CCDC34: variants seen among roughly 807,000 people sequenced by gnomAD.
The protein encoded by CCDC34 is coiled-coil domain-containing protein 34.
CCDC34 carries 40 observed loss-of-function variants against 44.1 expected under a neutral mutation model. The observed-to-expected ratio is 0.91, with a 90% confidence interval of 0.70 to 1.18. The LOEUF (loss-of-function observed/expected upper bound fraction) is 1.18, where lower values mean the gene tolerates loss of function less well. Among genes scored for constraint, CCDC34 ranks in the 50% most tolerant of loss-of-function variants. CCDC34 has a pLI of 0.00. For synonymous variants in CCDC34, 159 were observed against 158.2 expected (o/e 1.01, Z -0.04); for missense variants, 466 against 452.3 (o/e 1.03, Z -0.28).
At chr11:27,351,259 A>C (rs1862500568) in intron 2 of CCDC34, among the ~76,000 whole-genome samples, 1 of 151,924 alleles carries the variant, frequency 6.6e-6, no homozygotes, top group Non-Finnish European at 1.5e-5. Context: ...TGGTCTCCAC[A>C]CTCCTCCATA....
chr11:27,345,532 G>T (rs910532794), intron 3 of CCDC34, among the ~76,000 whole-genome samples: 1 of 152,096 alleles, frequency 6.6e-6, no homozygotes, highest in Non-Finnish European at 1.5e-5. Context: ...GAGAACATGC[G>T]ATGTTTGGTT....
chr11:27,350,203 A>G, intron 3 of CCDC34, 129 bp downstream of exon 3: 4 of 1,576,624 alleles, frequency 2.5e-6, no homozygotes, highest in Non-Finnish European at 3.4e-6. Flanking sequence ...CCAGGATAGA[A>G]AAACAAAACA....
chr11:27,357,605 C>T, intron 1 of CCDC34, 64 bp from the exon 2 acceptor site: 1 of 1,487,928 alleles, frequency 6.7e-7, no homozygotes. Flanking sequence ...GTCCAAATCA[C>T]TTAACTGTAC....
At chr11:27,359,737 C>T (rs2133351223) in intron 1 of CCDC34, among the ~76,000 whole-genome samples, 1 of 152,286 alleles carries the variant, frequency 6.6e-6, no homozygotes, top group East Asian at 1.9e-4. Context: ...GGCTGGCTAC[C>T]TTACAGGCAG....
At chr11:27,362,259 T>C (rs1017956915) in intron 1 of CCDC34, among the ~76,000 whole-genome samples, 17 of 152,326 alleles carry the variant, frequency 1.1e-4, no homozygotes, top group African/African-American at 3.6e-4. Context: ...ATAACCCCAT[T>C]GGTCCTAACA....
intron 3 of CCDC34, chr11:27,350,009 T>C (rs1423920517): frequency 2.5e-6 from 3 of 1,194,042 alleles, no homozygotes; most frequent in Non-Finnish European, 3.1e-6. Context: ...GAAGGAGAAA[T>C]GGGCAAAATG....
intron 2 of CCDC34, among the ~76,000 whole-genome samples, chr11:27,354,966 C>A (rs756053994): frequency 6.6e-6 from 1 of 152,124 alleles, no homozygotes; most frequent in Non-Finnish European, 1.5e-5. Context: ...AGTTAATTAA[C>A]TTTTCTAATG....
chr11:27,341,853 G>A (rs1862365098), intron 3 of CCDC34, among the ~76,000 whole-genome samples: 1 of 152,178 alleles, frequency 6.6e-6, no homozygotes, highest in African/African-American at 2.4e-5. Flanking sequence ...TGGTTTGGCT[G>A]TGTCTCCACC....
In CCDC34 at chr11:27,341,529, TTTG is replaced by T. The variant is rs1441464625; in HGVS notation, c.625_627del (p.Gln209del). ...TTTTCCTCCATTTCTTTATTAATTT[TTTG>T]TTCTCTTTCTTTTCTTTTCTTAAAT... On this transcript the variant is annotated inframe_deletion, in exon 4 of 6. Coordinates refer to ENST00000328697, the MANE Select transcript of CCDC34 (RefSeq NM_030771.2). The T allele has an allele frequency of 2.3e-6, 3 of 1,325,652 alleles. No homozygotes were observed. The highest frequency in any genetic ancestry group is 3.0e-6 in the Non-Finnish European group (3 of 988,956). The allele number at this position is 1,325,652 out of a possible 1,614,324, so 82.1% of individuals were successfully genotyped here.
rs762470269 is a variant in CCDC34, at chr11:27,341,448, G to A, written c.709C>T (p.Gln237Ter). ...GCATTTTTTTTCTTTAACCATTCTT[G>A]ATATTTTTCTTTTGCTTTTTCTTGC... ...YLQEKAKEKY[Q>*]EWLKKKNAEE... Residue 237 changes from glutamine to a stop codon, truncating the protein, a stop_gained, in exon 4 of 6, where the codon CAA (glutamine) becomes TAA (stop). Coordinates refer to ENST00000328697, the MANE Select transcript of CCDC34 (RefSeq NM_030771.2). LOFTEE classifies it high-confidence loss of function. 9.6e-6 allele frequency: 14 copies of A among 1,452,266 alleles called. No homozygotes were observed. The African/African-American group carries it at 1.4e-4, about 15-fold the overall frequency. 90.0% of individuals were successfully genotyped at this position (1,452,266 alleles called of 1,614,324 possible). A position where few individuals can be genotyped will look rare whatever the true frequency, so the allele number is the denominator to read the frequency against.
rs1862344657 is a variant in CCDC34, at chr11:27,340,787, T to C, written c.816A>G (p.Ala272=). The part of the protein sequence containing the change: ...QAEIQEKKEI[A]EKKFQEWLEN... ...CCAACCATTCTTGAAACTTTTTTTCTGCTATTTCCTTTTTCTCCTGTATTT... is the reference window on the plus strand; with the variant it reads ...CCAACCATTCTTGAAACTTTTTTTCCGCTATTTCCTTTTTCTCCTGTATTT... The change falls in exon 5 of 6, where the codon GCA becomes GCG. Residue 272 remains alanine, a synonymous_variant. Transcript: ENST00000328697. 6.2e-7 allele frequency: 1 copy of C among 1,613,708 alleles called. No homozygotes were observed. Among genetic ancestry groups the C allele is most frequent in the Non-Finnish European group, 8.5e-7 (1 of 1,179,832 alleles).
chr11:27,345,856 G>A (rs1426271512), intron 3 of CCDC34, among the ~76,000 whole-genome samples: 1 of 152,148 alleles, frequency 6.6e-6, no homozygotes, highest in Admixed American at 6.6e-5. Flanking sequence ...CTGAGGAATT[G>A]CCACACTGAC....
intron 2 of CCDC34, among the ~76,000 whole-genome samples, chr11:27,353,981 T>C (rs1046303013): frequency 2.0e-5 from 3 of 152,128 alleles, no homozygotes; most frequent in Admixed American, 6.5e-5. Flanking sequence ...TCTTTATGGT[T>C]AAAAATTTGA....
Position 27,338,743 on chromosome 11 carries a change from TTGAC to T in CCDC34, c.*74_*77del. 4.3e-6 allele frequency: 5 copies of T among 1,161,754 alleles called. No homozygotes were observed. The highest frequency in any genetic ancestry group is 5.1e-6 in the Non-Finnish European group (4 of 787,820). 72.0% of individuals were successfully genotyped at this position (1,161,754 alleles called of 1,614,324 possible). A position where few individuals can be genotyped will look rare whatever the true frequency, so the allele number is the denominator to read the frequency against. ...AATAATCACATTAAGTGTTGAGTTATTGACTGAGCAGTAAAAAACAATTTCTGAT... is the reference window on the plus strand; with the variant it reads ...AATAATCACATTAAGTGTTGAGTTATTGAGCAGTAAAAAACAATTTCTGAT... On this transcript the variant is annotated 3_prime_UTR_variant, in exon 6 of 6. Coordinates refer to ENST00000328697, the MANE Select transcript of CCDC34 (RefSeq NM_030771.2).
intron 3 of CCDC34, among the ~76,000 whole-genome samples, chr11:27,347,164 A>G (rs560998626): frequency 6.6e-6 from 1 of 152,292 alleles, no homozygotes; most frequent in South Asian, 2.1e-4. Context: ...ATGGCATACC[A>G]CTCCACACTC....
At position 27,353,222 on chromosome 11, in the gene CCDC34, T is replaced by C. The variant is rs76392561; in HGVS notation, c.499-2783A>G. Among the ~76,000 whole-genome samples the C allele has an allele frequency of 5.2e-4, 79 of 152,244 alleles. 1 individual carries two copies. In the East Asian group the frequency reaches 0.012, roughly 22 times the overall value. On this transcript the variant is annotated intron_variant, in intron 2 of 5. Coordinates refer to ENST00000328697, the MANE Select transcript of CCDC34 (RefSeq NM_030771.2). ...ATAATAATCAGAAAAACTGACAGTT[T>C]TGAGTTTCACCAACAGCTCTATATC... is the stretch of plus-strand genomic sequence containing the variant.
chr11:27,349,034 G>A, intron 3 of CCDC34: 1 of 983,976 alleles, frequency 1.0e-6, no homozygotes, highest in Non-Finnish European at 1.2e-6. Context: ...TTAAAACAGT[G>A]AATATATTGT....
At chr11:27,359,487 C>CT (rs56309926) in intron 1 of CCDC34, among the ~76,000 whole-genome samples, 136 of 149,650 alleles carry the variant, frequency 9.1e-4, no homozygotes, top group African/African-American at 2.6e-3. Flanking sequence ...CATTTTTTTT[C>CT]TTTTTTTTTT....
intron 2 of CCDC34, among the ~76,000 whole-genome samples, chr11:27,353,298 C>T (rs1862529013): frequency 6.6e-6 from 1 of 150,678 alleles, no homozygotes; most frequent in Non-Finnish European, 1.5e-5. Flanking sequence ...AATAAAATGG[C>T]CAAAGGCAAG....
Sources: gnomAD v4.1 joint callset for allele counts (sites outside exome capture counted in the v4.1 genomes callset) on GRCh38, gnomAD v4.1.1 for gene constraint, MANE v1.5 for transcripts, NCBI Gene and HGNC (gene_info 2026-07-23, HGNC 2026-07-21) for gene names.